SULT1B1: variants seen among roughly 807,000 people sequenced by gnomAD.
SULT1B1 encodes sulfotransferase family 1B member 1, also known as sulfotransferase 1B1.
Under a neutral mutation model 34.6 loss-of-function variants are expected in SULT1B1, and 28 were observed. That is an observed-to-expected ratio of 0.81 (90% CI 0.60 to 1.11). The LOEUF is 1.11. SULT1B1 is among the 50% of genes least tolerant of loss of function. The pLI, the probability that SULT1B1 is intolerant of heterozygous loss-of-function variation, is 0.00. For synonymous variants in SULT1B1, 147 were observed against 110.2 expected, an observed-to-expected ratio of 1.33 and a Z score of -2.09; for missense variants, 374 against 352.2, an observed-to-expected ratio of 1.06 and a Z score of -0.50.
chr4:69,751,070 A>G (rs1282953347), intron 3 of SULT1B1, among the ~76,000 whole-genome samples: 1 of 152,252 alleles, frequency 6.6e-6, no homozygotes, highest in African/African-American at 2.4e-5. Flanking sequence ...GAAATTAATT[A>G]ATTGTCCTGT....
chr4:69,747,910 C>T (rs1017599557), intron 4 of SULT1B1, among the ~76,000 whole-genome samples: 3 of 152,138 alleles, frequency 2.0e-5, no homozygotes, highest in African/African-American at 7.2e-5. Flanking sequence ...CATTCTCCCT[C>T]TATTCACCCT....
Position 69,730,685 on chromosome 4 carries a change from T to G in SULT1B1, c.598-4A>C, listed in dbSNP as rs760499456. On this transcript the variant is annotated splice_region_variant and splice_polypyrimidine_tract_variant and intron_variant, in intron 6 of 7. Coordinates refer to ENST00000310613, the MANE Select transcript of SULT1B1 (RefSeq NM_014465.4). ...TCTTGATTTCCTCCTTTGGATTCTA[T>G]TAGTGGGTAAAACCCAAGACAATAA... The G allele has an allele frequency of 6.2e-7, 1 of 1,609,976 alleles. No individual in the cohort carries two copies. Among genetic ancestry groups the G allele is most frequent in the Non-Finnish European group, 8.5e-7 (1 of 1,178,694 alleles).
At chr4:69,729,044 T>A (rs1319695776) in intron 7 of SULT1B1, among the ~76,000 whole-genome samples, 1 of 152,062 alleles carries the variant, frequency 6.6e-6, no homozygotes, top group Non-Finnish European at 1.5e-5. Flanking sequence ...TATGTCTACA[T>A]CATAATTAGA....
intron 4 of SULT1B1, among the ~76,000 whole-genome samples, chr4:69,736,463 G>C (rs556393508): frequency 6.6e-6 from 1 of 152,232 alleles, no homozygotes; most frequent in South Asian, 2.1e-4. Context: ...AGAGGAGAGG[G>C]AAGAGCAAAG....
intron 3 of SULT1B1, among the ~76,000 whole-genome samples, chr4:69,750,597 C>T (rs555123358): frequency 6.6e-6 from 1 of 152,202 alleles, no homozygotes; most frequent in Admixed American, 6.5e-5. Flanking sequence ...TTGCATCTGA[C>T]TCACTCATTG....
chr4:69,742,989 G>A (rs570569261), intron 4 of SULT1B1, among the ~76,000 whole-genome samples: 2 of 152,314 alleles, frequency 1.3e-5, no homozygotes, highest in East Asian at 3.9e-4. Flanking sequence ...GGAGACACCA[G>A]GAACCACAGA....
intron 7 of SULT1B1, among the ~76,000 whole-genome samples, chr4:69,727,407 A>G (rs1717881363): frequency 6.6e-6 from 1 of 152,034 alleles, no homozygotes. Context: ...GGTGGTTTAT[A>G]ATTAAATAGA....
intron 4 of SULT1B1, among the ~76,000 whole-genome samples, chr4:69,735,418 C>A (rs1239474250): frequency 1.3e-5 from 2 of 152,200 alleles, no homozygotes; most frequent in Non-Finnish European, 2.9e-5. Flanking sequence ...CTGCTCCACA[C>A]CCGGGTCTCT....
At chr4:69,727,398 G>C (rs952748246) in intron 7 of SULT1B1, among the ~76,000 whole-genome samples, 198 bp from the exon 8 acceptor site, 4 of 151,888 alleles carry the variant, frequency 2.6e-5, no homozygotes, top group African/African-American at 9.7e-5. Context: ...ATCTGGAAAG[G>C]TGGTTTATAA....
chr4:69,732,950 T>C (rs1718139513), intron 6 of SULT1B1, among the ~76,000 whole-genome samples: 1 of 152,132 alleles, frequency 6.6e-6, no homozygotes, highest in East Asian at 1.9e-4. Flanking sequence ...GTTTTGAGCA[T>C]GTTAAATTTA....
chr4:69,741,660 C>A (rs758839548), intron 4 of SULT1B1, among the ~76,000 whole-genome samples: 1 of 151,988 alleles, frequency 6.6e-6, no homozygotes, highest in Non-Finnish European at 1.5e-5. Context: ...AATGAGATTA[C>A]GTTTTGATTT....
At chr4:69,732,076 C>G (rs1409266541) in intron 6 of SULT1B1, among the ~76,000 whole-genome samples, 1 of 152,210 alleles carries the variant, frequency 6.6e-6, no homozygotes, top group Non-Finnish European at 1.5e-5. Flanking sequence ...GAATTTATAA[C>G]TTACCTCCGG....
chr4:69,754,915 C>G, intron 2 of SULT1B1, 117 bp from the exon 3 acceptor site: 1 of 1,326,082 alleles, frequency 7.5e-7, no homozygotes, highest in Non-Finnish European at 1.0e-6. Flanking sequence ...ATTCCCCTTT[C>G]TATGCACCAA....
chr4:69,733,990 G>A (rs1718190688), intron 5 of SULT1B1, 148 bp downstream of exon 5: 1 of 598,930 alleles, frequency 1.7e-6, no homozygotes, highest in Non-Finnish European at 2.6e-6. Context: ...AAAAATATTA[G>A]ATGCATTAGA....
At chr4:69,734,390 G>A (rs1449549818) in intron 4 of SULT1B1, 126 bp from the exon 5 acceptor site, 1 of 1,002,646 alleles carries the variant, frequency 1.0e-6, no homozygotes, top group Non-Finnish European at 1.4e-6. Flanking sequence ...GGCCAGGGAG[G>A]CCCTTCTATT....
At chr4:69,739,208 G>T (rs144030611) in intron 4 of SULT1B1, among the ~76,000 whole-genome samples, 4,241 of 152,238 alleles carry the variant, frequency 0.028, 208 homozygotes, top group African/African-American at 0.095. Context: ...ACTAGGTGAT[G>T]CCCCAGTAGG....
Position 69,726,265 on chromosome 4 carries a change from T to C in SULT1B1, c.*823A>G, listed in dbSNP as rs1349246125. On this transcript the variant is annotated 3_prime_UTR_variant, in exon 8 of 8. Coordinates refer to ENST00000310613, the MANE Select transcript of SULT1B1 (RefSeq NM_014465.4). ...CATGTCTAGGATATTAAAGGTGCTA[T>C]TAAGGTATCCAAATCTATCCAAATA... The C allele has an allele frequency of 6.6e-6, 1 of 151,120 alleles. No homozygotes were observed. The highest frequency in any genetic ancestry group is 1.5e-5 in the Non-Finnish European group (1 of 67,740). The allele number at this position is 151,120 out of a possible 1,614,324, so 9.4% of individuals were successfully genotyped here. A position where few individuals can be genotyped will look rare whatever the true frequency, so the allele number is the denominator to read the frequency against.
chr4:69,738,028 A>G (rs1230379825), intron 4 of SULT1B1, among the ~76,000 whole-genome samples: 1 of 152,068 alleles, frequency 6.6e-6, no homozygotes, highest in African/African-American at 2.4e-5. Context: ...TTCACCCTCA[A>G]TTATACCCTG....
At chr4:69,753,131 A>G (rs1432426964) in intron 3 of SULT1B1, among the ~76,000 whole-genome samples, 1 of 152,214 alleles carries the variant, frequency 6.6e-6, no homozygotes, top group African/African-American at 2.4e-5. Flanking sequence ...TTAATTCATT[A>G]TAATTTTCTC....
Sources: gnomAD v4.1 joint callset for allele counts (sites outside exome capture counted in the v4.1 genomes callset) on GRCh38, gnomAD v4.1.1 for gene constraint, MANE v1.5 for transcripts, NCBI Gene and HGNC (gene_info 2026-07-23, HGNC 2026-07-21) for gene names.